Variants in AMPD2 observed in about 807,000 individuals in gnomAD.
The protein encoded by AMPD2 is AMP deaminase 2.
Under a neutral mutation model 91.3 loss-of-function variants are expected in AMPD2, and 52 were observed. The observed-to-expected ratio is 0.57, with a 90% CI of 0.46 to 0.72. The LOEUF is 0.72. Ranked by LOEUF, AMPD2 falls within the 30% of genes least tolerant of loss-of-function variation. AMPD2 has a pLI of 0.00. For missense variants in AMPD2, 822 were observed against 1,122.3 expected (o/e 0.73, Z 3.82); for synonymous variants, 455 against 456.4 (o/e 1.00, Z 0.04).
chr1:109,628,466 T>A lies in AMPD2; in HGVS notation c.1378T>A (p.Ser460Thr), dbSNP rs1276475396. 1 of 1,613,056 alleles carries A rather than the reference T, an allele frequency of 6.2e-7. No homozygotes were observed. Among genetic ancestry groups the A allele is most frequent in the Admixed American group, 1.7e-5 (1 of 60,010 alleles). Residue 460 changes from serine (S) to threonine (T), a missense_variant, in exon 12 of 19, where the codon TCT (serine) becomes ACT (threonine). Physicochemically the swap from Ser to Thr is moderately conservative, Grantham distance 58. Coordinates refer to ENST00000528667, the MANE Select transcript of AMPD2 (RefSeq NM_001368809.2). This position sits in a 1 kb window ranked among gnomAD's most constrained non-coding sequence, Gnocchi z 7.1. The part of the protein sequence containing the change: ...EIFIKTDNRV[S>T]GKYFAHIIKE... ...CTTCATCAAGACGGACAACAGGGTA[T>A]CTGGGAAGTACTTTGCTCACATCAT...
chr1:109,623,919 C>A, intron 2 of AMPD2: 3 of 805,792 alleles, frequency 3.7e-6, no homozygotes, highest in Non-Finnish European at 4.5e-6. Flanking sequence ...GGTTTCTGGG[C>A]TCCCTTGAAC....
Position 109,624,375 on chromosome 1 carries a change from G to A in AMPD2, c.92-928G>A, listed in dbSNP as rs1191340269. ...CTGCTGAGCCCAGGGAGGGTCCTTC[G>A]GGGTAGGCTGGAAGCCTTGGCAGCC... On this transcript the variant is annotated intron_variant, in intron 2 of 18. Transcript: ENST00000528667. The surrounding 1 kb of genome is among the most constrained non-coding windows in gnomAD (Gnocchi z 5.2). Among the ~76,000 whole-genome samples the A allele has an allele frequency of 2.6e-5, 4 of 152,180 alleles. No homozygotes were observed. Among genetic ancestry groups the A allele is most frequent in the African/African-American group, 7.2e-5 (3 of 41,448 alleles).
At chr1:109,621,501 T>G in intron 2 of AMPD2, 1 of 630,476 alleles carries the variant, frequency 1.6e-6, no homozygotes, top group Non-Finnish European at 2.9e-6. Flanking sequence ...TCACAAGGAG[T>G]GGGCATGGTG....
At position 109,625,542 on chromosome 1, in the gene AMPD2, T is replaced by A. The variant is rs1650594453; in HGVS notation, c.222+109T>A. 8 of 1,595,520 alleles carry A rather than the reference T, an allele frequency of 5.0e-6. No homozygotes were observed. The Admixed American group carries it at 1.2e-4, about 24-fold the overall frequency. Reference sequence around the variant, plus strand: ...CCTCACCTCACGCTTGGCTGTCTCCTGATCCTCAGCCTCTCCCAGGTACCC... The same window carrying A: ...CCTCACCTCACGCTTGGCTGTCTCCAGATCCTCAGCCTCTCCCAGGTACCC... On this transcript the variant is annotated intron_variant, in intron 3 of 18. Transcript: ENST00000528667. The surrounding 1 kb of genome is among the most constrained non-coding windows in gnomAD (Gnocchi z 4.0).
chr1:109,621,292 G>A, intron 2 of AMPD2, 26 bp downstream of exon 2: 1 of 1,609,658 alleles, frequency 6.2e-7, no homozygotes, highest in African/African-American at 1.3e-5. Context: ...CTGGCCTCAG[G>A]ATAGATGCTG....
rs1651282647 is a variant in AMPD2, at chr1:109,631,653, G to C, written c.*501G>C. 1 of 189,028 alleles carries C rather than the reference G, an allele frequency of 5.3e-6. No individual in the cohort carries two copies. The highest frequency in any genetic ancestry group is 2.4e-5 in the African/African-American group (1 of 42,418). The allele number at this position is 189,028 out of a possible 1,614,324, so 11.7% of individuals were successfully genotyped here. Reference sequence around the variant, plus strand: ...AACTCCAGCAGCTCTGCACTGGGTAGAGCTGGGCCTAGAGCTCAGTCACAG... The same window carrying C: ...AACTCCAGCAGCTCTGCACTGGGTACAGCTGGGCCTAGAGCTCAGTCACAG... On this transcript the variant is annotated 3_prime_UTR_variant, in exon 19 of 19. Transcript: ENST00000528667.
Position 109,630,288 on chromosome 1 carries a change from C to CGAGA in AMPD2, c.2040_2041insAGAG (p.Leu681ArgfsTer31). The CGAGA allele has an allele frequency of 1.2e-6, 2 of 1,613,888 alleles. No individual in the cohort carries two copies. The highest frequency in any genetic ancestry group is 1.7e-6 in the Non-Finnish European group (2 of 1,180,006). On this transcript the variant is annotated frameshift_variant, in exon 17 of 19. Transcript: ENST00000528667. LOFTEE classifies it high-confidence loss of function. ...GCCCAGATCGGCATCGCCATGTCTCCGCTCAGCAACAACAGCCTCTTCCTC... is the reference window on the plus strand; with the variant it reads ...GCCCAGATCGGCATCGCCATGTCTCCGAGAGCTCAGCAACAACAGCCTCTTCCTC...
chr1:109,620,372 C>A, intron 1 of AMPD2, 94 bp downstream of exon 1: 1 of 1,564,836 alleles, frequency 6.4e-7, no homozygotes. Flanking sequence ...AGCACAGCAG[C>A]AGGACCTAGG....
At chr1:109,622,035 A>G (rs12046107) in intron 2 of AMPD2, 45,491 of 365,976 alleles carry the variant, frequency 0.12, 4,974 homozygotes, top group East Asian at 0.31. Context: ...GCAGAGGGAT[A>G]TCTGCCTGCT....
chr1:109,629,281 C>T (rs368569237), intron 14 of AMPD2, 46 bp downstream of exon 14: 22 of 1,613,832 alleles, frequency 1.4e-5, no homozygotes, highest in Middle Eastern at 1.6e-4. Flanking sequence ...CAGCCGGCTT[C>T]GCATCCAGCT....
rs1191207122 is a variant in AMPD2, at chr1:109,628,639, C to G, written c.1408-4C>G. ...ATGTCTGACTCAGCTCACCTCATGT[C>G]TAGGAGGTGATGTCAGACCTGGAGG... On this transcript the variant is annotated splice_polypyrimidine_tract_variant and splice_region_variant and intron_variant, in intron 12 of 18. Transcript: ENST00000528667. This position sits in a 1 kb window ranked among gnomAD's most constrained non-coding sequence, Gnocchi z 7.1. The G allele has an allele frequency of 6.2e-7, 1 of 1,613,406 alleles. No homozygotes were observed. Among genetic ancestry groups the G allele is most frequent in the South Asian group, 1.1e-5 (1 of 91,042 alleles).
Position 109,629,912 on chromosome 1 carries a change from G to C in AMPD2, c.1979G>C (p.Arg660Pro), listed in dbSNP as rs955380053. The change falls in exon 16 of 19, where the codon CGC becomes CCC. Residue 660 changes from arginine (R) to proline (P), a missense_variant. By Grantham distance (103) the Arg-to-Pro change is moderately radical. Around this residue, in one of 5 missense-constraint regions of AMPD2, gnomAD observed 430 missense variants for 606.0 expected, o/e 0.71. Coordinates refer to ENST00000528667, the MANE Select transcript of AMPD2 (RefSeq NM_001368809.2). The stretch of plus-strand genomic sequence containing the variant: ...AACATTTCCCACGGGCTCCTTCTGC[G>C]CAAGGTCAGGATCTGCACCCCTAGC... ...AENISHGLLL[R>P]KAPVLQYLYY... The C allele has an allele frequency of 6.2e-7, 1 of 1,604,912 alleles. No individual in the cohort carries two copies. The highest frequency in any genetic ancestry group is 1.3e-5 in the African/African-American group (1 of 74,692).
In AMPD2 at chr1:109,631,309, A is replaced by C; in HGVS notation, c.*157A>C. 3 of 780,510 alleles carry C rather than the reference A, an allele frequency of 3.8e-6. No homozygotes were observed. In the South Asian group the frequency reaches 5.2e-5, roughly 14 times the overall value. 48.3% of individuals were successfully genotyped at this position (780,510 alleles called of 1,614,324 possible). A position where few individuals can be genotyped will look rare whatever the true frequency, so the allele number is the denominator to read the frequency against. On this transcript the variant is annotated 3_prime_UTR_variant, in exon 19 of 19. Transcript: ENST00000528667. ...CACTGTCCCTGGGCCACCCAGTGAA[A>C]GCAAAGCCTGGGAATCTGCTCATTG... is the stretch of plus-strand genomic sequence containing the variant.
rs771916423 is a variant in AMPD2 at position 109,630,289 on chromosome 1, G to A, written c.2040G>A (p.Pro680=). The change falls in exon 17 of 19, where the codon CCG becomes CCA. Residue 680 remains proline, a synonymous_variant. Coordinates refer to ENST00000528667, the MANE Select transcript of AMPD2 (RefSeq NM_001368809.2). ...CCCAGATCGGCATCGCCATGTCTCC[G>A]CTCAGCAACAACAGCCTCTTCCTCA... The part of the protein sequence containing the change: ...YLAQIGIAMS[P]LSNNSLFLSY... 2.5e-6 allele frequency: 4 copies of A among 1,613,798 alleles called. No homozygotes were observed. In the South Asian group the frequency reaches 4.4e-5, roughly 18 times the overall value.
In AMPD2 at chr1:109,629,487, G is replaced by T. The variant is rs587777395; in HGVS notation, c.1859G>T (p.Arg620Leu). The T allele has an allele frequency of 1.9e-6, 3 of 1,613,318 alleles. No individual in the cohort carries two copies. Among genetic ancestry groups the T allele is most frequent in the Non-Finnish European group, 2.5e-6 (3 of 1,179,784 alleles). The change falls in exon 15 of 19, where the codon CGC (arginine) becomes CTC (leucine). Residue 620 changes from arginine to leucine, a missense_variant. Physicochemically the swap from Arg to Leu is moderately radical, Grantham distance 102. Around this residue, in one of 5 missense-constraint regions of AMPD2, gnomAD observed 430 missense variants for 606.0 expected, o/e 0.71. Transcript: ENST00000528667. Reference protein sequence around the residue: ...FANMAMLNHLRRQRGFHTFVL... With the variant: ...FANMAMLNHLLRQRGFHTFVL... ...AACATGGCCATGTTGAACCACCTGC[G>T]CAGGTGCCTGCACCACCCTGTGTCT... is the stretch of plus-strand genomic sequence containing the variant.
chr1:109,628,997 T>C lies in AMPD2; in HGVS notation c.1572-112T>C. 5 of 1,491,578 alleles carry C rather than the reference T, an allele frequency of 3.4e-6. No homozygotes were observed. In the Admixed American group the frequency reaches 6.1e-5, roughly 18 times the overall value. The allele number at this position is 1,491,578 out of a possible 1,614,324, so 92.4% of individuals were successfully genotyped here. Reference sequence around the variant, plus strand: ...CCTGGGTATCCTTGCTTTCCCAATATGGTTCAGATGCGCCCCTGCGCTCTT... The same window carrying C: ...CCTGGGTATCCTTGCTTTCCCAATACGGTTCAGATGCGCCCCTGCGCTCTT... On this transcript the variant is annotated intron_variant, in intron 13 of 18. Coordinates refer to ENST00000528667, the MANE Select transcript of AMPD2 (RefSeq NM_001368809.2). The surrounding 1 kb of genome is among the most constrained non-coding windows in gnomAD (Gnocchi z 7.1).
chr1:109,622,173 G>T (rs1369670899), intron 2 of AMPD2: 4 of 452,580 alleles, frequency 8.8e-6, no homozygotes, highest in African/African-American at 4.0e-5. Flanking sequence ...ATATTTTTTT[G>T]TTTCATTGAA....
At chr1:109,626,674 G>A in intron 6 of AMPD2, 52 bp from the exon 7 acceptor site, 1 of 1,574,864 alleles carries the variant, frequency 6.3e-7, no homozygotes, top group Non-Finnish European at 8.6e-7. Context: ...CCTTAGGGAG[G>A]AGGTCTCTGA....
At chr1:109,623,265 C>T (rs1034921678) in intron 2 of AMPD2, among the ~76,000 whole-genome samples, 3 of 152,196 alleles carry the variant, frequency 2.0e-5, no homozygotes, top group Non-Finnish European at 4.4e-5. Flanking sequence ...CTTATCGCCC[C>T]ACTTGTAGAT....
Sources: gnomAD v4.1 joint callset for allele counts (sites outside exome capture counted in the v4.1 genomes callset) on GRCh38, gnomAD v4.1.1 for gene constraint, gnomAD v4.1.1 regional missense constraint, Gnocchi (gnomAD v3.1) non-coding constraint, MANE v1.5 for transcripts, NCBI Gene and HGNC (gene_info 2026-07-23, HGNC 2026-07-21) for gene names.